The following TRMT11 variants were observed in gnomAD, a reference collection of about 807,000 sequenced individuals.
TRMT11 encodes tRNA methyltransferase 11.
In TRMT11, 53 loss-of-function variants were observed where a neutral mutation model predicts 62.8. The observed-to-expected ratio is 0.84, with a 90% CI of 0.68 to 1.06. The LOEUF (loss-of-function observed/expected upper bound fraction) is 1.06. Ranked by LOEUF, TRMT11 falls within the 50% of genes least tolerant of loss-of-function variation. TRMT11 has a pLI of 0.00. For synonymous variants in TRMT11, 188 were observed against 190.3 expected, an observed-to-expected ratio of 0.99 and a Z score of 0.10; for missense variants, 556 against 553.4, an observed-to-expected ratio of 1.00 and a Z score of -0.05.
chr6:126,031,513 A>G (rs1774195286), intron 12 of TRMT11, among the ~76,000 whole-genome samples: 1 of 152,162 alleles, frequency 6.6e-6, no homozygotes, highest in Non-Finnish European at 1.5e-5. Context: ...AACATAGGAA[A>G]GCACCTACCT....
At chr6:126,205,126 G>T (rs1182821555), downstream of TRMT11, among the ~76,000 whole-genome samples, 1 of 152,204 alleles carries the variant, frequency 6.6e-6, no homozygotes, top group Non-Finnish European at 1.5e-5. Flanking sequence ...GCACAAGTTT[G>T]AAAGAAGTGC....
chr6:126,091,201 CTCAA>C (rs1562320736), intron 17 of TRMT11, among the ~76,000 whole-genome samples: 11 of 62,972 alleles, frequency 1.7e-4, no homozygotes, highest in African/African-American at 1.1e-3. Context: ...GAGACTCCAT[CTCAA>C]AAAAAAAAAA....
At chr6:126,145,259 C>T (rs569193099) in intron 21 of TRMT11, among the ~76,000 whole-genome samples, 8 of 152,282 alleles carry the variant, frequency 5.3e-5, no homozygotes, top group African/African-American at 1.9e-4. Context: ...CATTTTGGAA[C>T]TTTAATAGAT....
rs144874905 is a variant in TRMT11, at chr6:126,030,389, T to C, written c.1261-8316T>C. ...ATTTACATTTCATTTCACTCTCTGC[T>C]GATTAAAAGAAAATAAACCGACCCA... On this transcript the variant is annotated intron_variant, in intron 12 of 12. Coordinates refer to ENST00000334379, the MANE Select transcript of TRMT11 (RefSeq NM_001031712.3). 3.4e-3 allele frequency among the ~76,000 whole-genome samples: 512 copies of C among 152,324 alleles called. 4 individuals are homozygous for C. The highest frequency in any genetic ancestry group is 9.0e-3 in the African/African-American group (376 of 41,586).
At chr6:126,154,640 C>T (rs867634028) in intron 21 of TRMT11, among the ~76,000 whole-genome samples, 4 of 152,150 alleles carry the variant, frequency 2.6e-5, no homozygotes, top group African/African-American at 7.2e-5. Flanking sequence ...TTTCAAAGCC[C>T]GGCCACTTCT....
At chr6:126,096,876 C>T (rs1469403711) in intron 17 of TRMT11, among the ~76,000 whole-genome samples, 1 of 151,944 alleles carries the variant, frequency 6.6e-6, no homozygotes, top group Non-Finnish European at 1.5e-5. Flanking sequence ...GGACAATTTC[C>T]TTAGGAAAGA....
At position 125,998,206 on chromosome 6, in the gene TRMT11, ATTTCCT is replaced by A; in HGVS notation, c.295-13_295-8del. ...TAGAATTAAAATACTCAAAAAACTG[ATTTCCT>A]TTTATTTTAGGTTCCATTTCTACAT... On this transcript the variant is annotated splice_polypyrimidine_tract_variant and intron_variant, in intron 4 of 12. Coordinates refer to ENST00000334379, the MANE Select transcript of TRMT11 (RefSeq NM_001031712.3). 1.9e-6 allele frequency: 3 copies of A among 1,596,966 alleles called. No individual in the cohort carries two copies. The highest frequency in any genetic ancestry group is 2.6e-6 in the Non-Finnish European group (3 of 1,165,288).
At chr6:126,250,629 CT>C in the TRMT11 span, among the ~76,000 whole-genome samples, 1 of 152,128 alleles carries the variant, frequency 6.6e-6, no homozygotes, top group Non-Finnish European at 1.5e-5. Flanking sequence ...AAGGCTCTTC[CT>C]ATCTCCCTCC....
intron 21 of TRMT11, among the ~76,000 whole-genome samples, chr6:126,138,643 AG>A (rs1777879724): frequency 6.6e-6 from 1 of 152,046 alleles, no homozygotes; most frequent in Admixed American, 6.6e-5. Context: ...TTGGGAACAG[AG>A]GTCCATCTTT....
the TRMT11 span, among the ~76,000 whole-genome samples, chr6:126,271,820 T>C: frequency 4.6e-5 from 7 of 152,268 alleles, no homozygotes; most frequent in Middle Eastern, 3.4e-3. Flanking sequence ...TATCAGAGTG[T>C]TCACTGAGAG....
intron 16 of TRMT11, among the ~76,000 whole-genome samples, chr6:126,053,099 C>CT (rs532258175): frequency 6.4e-4 from 95 of 147,612 alleles, no homozygotes; most frequent in East Asian, 2.6e-3. Context: ...TCTCTGTGTC[C>CT]TTTTTTTTTT....
Position 126,191,250 on chromosome 6 carries a change from T to C in TRMT11, n.144-7549T>C, listed in dbSNP as rs545020310. Among the ~76,000 whole-genome samples the C allele has an allele frequency of 7.2e-5, 11 of 152,286 alleles. No homozygotes were observed. In the South Asian group the frequency reaches 2.3e-3, roughly 32 times the overall value. ...CATTTATATGTCTTCTTTTGAGAAATGTCTATTCAGATCTTTTGTGTATTT... is the reference window on the plus strand; with the variant it reads ...CATTTATATGTCTTCTTTTGAGAAACGTCTATTCAGATCTTTTGTGTATTT... On this transcript the variant is annotated intron_variant and non_coding_transcript_variant, in intron 1 of 3. Transcript: ENST00000444229.
At chr6:126,258,768 CTAGT>C in the TRMT11 span, among the ~76,000 whole-genome samples, 5 of 151,704 alleles carry the variant, frequency 3.3e-5, no homozygotes, top group Non-Finnish European at 7.4e-5. Flanking sequence ...TTTTCTCAGT[CTAGT>C]TAAAGTTTCT....
intron 21 of TRMT11, among the ~76,000 whole-genome samples, chr6:126,124,069 T>C (rs1411218606): frequency 6.6e-6 from 1 of 152,116 alleles, no homozygotes; most frequent in Non-Finnish European, 1.5e-5. Flanking sequence ...CTTTTGATTG[T>C]GGCTCATGCA....
At position 125,998,081 on chromosome 6, in the gene TRMT11, C is replaced by CA; in HGVS notation, c.243dup (p.Ser82IlefsTer3). 1 of 1,613,050 alleles carries CA rather than the reference C, an allele frequency of 6.2e-7. No homozygotes were observed. The highest frequency in any genetic ancestry group is 1.1e-5 in the South Asian group (1 of 91,054). Reference sequence around the variant, plus strand: ...TATATTTGAACTATGGGGTCATGGACAATCTCCTGAGGAGCTGTACAGTTC... The same window carrying CA: ...TATATTTGAACTATGGGGTCATGGACAAATCTCCTGAGGAGCTGTACAGTTC... On this transcript the variant is annotated frameshift_variant, in exon 4 of 13. Coordinates refer to ENST00000334379, the MANE Select transcript of TRMT11 (RefSeq NM_001031712.3). LOFTEE classifies it high-confidence loss of function.
chr6:126,152,269 T>TAAAAAAAA (rs398002786), intron 21 of TRMT11, among the ~76,000 whole-genome samples: 1 of 134,570 alleles, frequency 7.4e-6, no homozygotes, highest in Non-Finnish European at 1.6e-5. Flanking sequence ...ACCAAATGGC[T>TAAAAAAAA]AAAAAAAAAA....
intron 21 of TRMT11, among the ~76,000 whole-genome samples, chr6:126,155,968 C>T (rs1039194013): frequency 6.6e-5 from 10 of 152,060 alleles, no homozygotes; most frequent in Admixed American, 3.3e-4. Flanking sequence ...CCTCATGATC[C>T]GCCGGCCTCA....
At chr6:126,028,834 T>G (rs1268122) in intron 12 of TRMT11, among the ~76,000 whole-genome samples, 117,285 of 152,130 alleles carry the variant, frequency 0.77, 46,146 homozygotes, top group East Asian at 1. Flanking sequence ...TGTTTAGAAA[T>G]AACTATTTTA....
Position 126,127,941 on chromosome 6 carries a change from A to G in TRMT11, c.*1823+12086A>G, listed in dbSNP as rs185762200. ...ATTTCCCTCTATCCTGGGATTCTAC[A>G]GTGTTTAAAAATTGTCATGACAGGA... On this transcript the variant is annotated intron_variant and NMD_transcript_variant, in intron 21 of 22. Coordinates refer to the TRMT11 transcript ENST00000648977. Among the ~76,000 whole-genome samples the G allele has an allele frequency of 7.5e-4, 114 of 152,192 alleles. 2 individuals carry two copies. The East Asian group carries it at 0.019, about 26-fold the overall frequency.
Sources: gnomAD v4.1 joint callset for allele counts (sites outside exome capture counted in the v4.1 genomes callset) on GRCh38, gnomAD v4.1.1 for gene constraint, MANE v1.5 for transcripts, NCBI Gene and HGNC (gene_info 2026-07-23, HGNC 2026-07-21) for gene names.